Variants in TNRC6A observed in about 807,000 individuals in gnomAD.
TNRC6A encodes the protein trinucleotide repeat-containing gene 6A protein.
TNRC6A carries 44 observed loss-of-function variants against 221.2 expected under a neutral mutation model. The observed-to-expected ratio is 0.20, with a 90% CI of 0.16 to 0.26. The LOEUF (loss-of-function observed/expected upper bound fraction) is 0.26, where lower values mean the gene tolerates loss of function less well. Ranked by LOEUF, TNRC6A falls within the 10% of genes least tolerant of loss-of-function variation. The pLI is 1.00. For missense variants in TNRC6A, 2,199 were observed against 2,404.4 expected (o/e 0.91, Z 1.79); for synonymous variants, 847 against 838.5 (o/e 1.01, Z -0.18).
chr16:24,825,295 A>T lies in TNRC6A; in HGVS notation c.*1488A>T, dbSNP rs1279916649. The T allele has an allele frequency of 2.6e-5, 4 of 152,652 alleles. No individual in the cohort carries two copies. The highest frequency in any genetic ancestry group is 5.9e-5 in the Non-Finnish European group (4 of 68,040). 9.5% of individuals were successfully genotyped at this position (152,652 alleles called of 1,614,324 possible). On this transcript the variant is annotated 3_prime_UTR_variant, in exon 25 of 25. Transcript: ENST00000395799. ...TTTTAACAGTACAGAATTTGCCATCATATCATTGCCTTGATTCTAACTGTT... is the reference window on the plus strand; with the variant it reads ...TTTTAACAGTACAGAATTTGCCATCTTATCATTGCCTTGATTCTAACTGTT...
Position 24,790,791 on chromosome 16 carries a change from G to A in TNRC6A, c.2149G>A (p.Val717Ile). ...IVNRTDLDPR[V>I]LSNSGWGQTP... ...AAACAGAACTGACTTAGATCCACGTGTCCTGTCCAACTCTGGTTGGGGACA... is the reference window on the plus strand; with the variant it reads ...AAACAGAACTGACTTAGATCCACGTATCCTGTCCAACTCTGGTTGGGGACA... Residue 717 changes from valine (V) to isoleucine (I), a missense_variant, in exon 6 of 25, where the codon GTC becomes ATC. By Grantham distance (29) the Val-to-Ile change is conservative. Around this residue, in one of 8 missense-constraint regions of TNRC6A, gnomAD observed 1,405 missense variants for 1,400.2 expected, o/e 1.00. Transcript: ENST00000395799. 1 of 1,614,146 alleles carries A rather than the reference G, an allele frequency of 6.2e-7. No individual in the cohort carries two copies. Among genetic ancestry groups the A allele is most frequent in the South Asian group, 1.1e-5 (1 of 91,084 alleles).
In TNRC6A at chr16:24,790,608, A is replaced by G. The variant is rs891269790; in HGVS notation, c.1966A>G (p.Thr656Ala). 7.4e-6 allele frequency: 12 copies of G among 1,614,250 alleles called. No individual in the cohort carries two copies. Among genetic ancestry groups the G allele is most frequent in the Non-Finnish European group, 9.3e-6 (11 of 1,180,042 alleles). ...GGATCAGGGTTCTGCCACATCTCAG[A>G]CAAATGAGCAAAGCAGTGTGTGGGC... Reference protein sequence around the residue: ...EEDQGSATSQTNEQSSVWAKT... With the variant: ...EEDQGSATSQANEQSSVWAKT... The change falls in exon 6 of 25, where the codon ACA becomes GCA. Residue 656 changes from threonine to alanine, a missense_variant. Thr to Ala is a moderately conservative substitution (Grantham distance 58). This residue lies in a region of TNRC6A where 1,405 missense variants were observed against 1,400.2 expected (regional missense o/e 1.00). Transcript: ENST00000395799.
chr16:24,727,171 A>G (rs2056506330), upstream of TNRC6A, among the ~76,000 whole-genome samples: 1 of 152,078 alleles, frequency 6.6e-6, no homozygotes, highest in Non-Finnish European at 1.5e-5. Flanking sequence ...CTGGGATTAC[A>G]GGCATGCACC....
chr16:24,648,481 A>G (rs747586733), intron 2 of TNRC6A, among the ~76,000 whole-genome samples: 90 of 152,028 alleles, frequency 5.9e-4, no homozygotes, highest in African/African-American at 2.9e-4. Context: ...CGTGTTAGCC[A>G]GGATGGTCTC....
At chr16:24,643,108 A>G (rs374610058) in intron 2 of TNRC6A, among the ~76,000 whole-genome samples, 3 of 50,192 alleles carry the variant, frequency 6.0e-5, no homozygotes, top group South Asian at 8.5e-4. Context: ...ATATATATAT[A>G]AAATATATAT....
At chr16:24,695,638 T>A (rs2055843488) in intron 2 of TNRC6A, among the ~76,000 whole-genome samples, 1 of 152,238 alleles carries the variant, frequency 6.6e-6, no homozygotes, top group East Asian at 1.9e-4. Context: ...GACCTCGTGA[T>A]CTGCCTGCCT....
intron 2 of TNRC6A, among the ~76,000 whole-genome samples, chr16:24,715,813 G>T (rs953840954): frequency 7.9e-5 from 12 of 151,576 alleles, no homozygotes; most frequent in African/African-American, 2.9e-4. Flanking sequence ...TAGAGACGGG[G>T]TTTCCCTATG....
intron 1 of TNRC6A, among the ~76,000 whole-genome samples, chr16:24,634,795 G>A (rs1472558901): frequency 6.6e-6 from 1 of 152,124 alleles, no homozygotes; most frequent in Non-Finnish European, 1.5e-5. Context: ...ACCAATCTTA[G>A]CCCTTTCTCA....
chr16:24,716,330 T>C (rs1210163656), intron 2 of TNRC6A, among the ~76,000 whole-genome samples: 1 of 152,196 alleles, frequency 6.6e-6, no homozygotes, highest in African/African-American at 2.4e-5. Flanking sequence ...CAGTTCCAGT[T>C]ACTTCATGTT....
intron 14 of TNRC6A, 162 bp from the exon 15 acceptor site, chr16:24,805,443 A>G: frequency 1.9e-6 from 2 of 1,067,764 alleles, no homozygotes; most frequent in Non-Finnish European, 2.7e-6. Flanking sequence ...CCCACGAAAA[A>G]GTGTAAGTGA....
chr16:24,697,574 A>G (rs532412591), intron 2 of TNRC6A, among the ~76,000 whole-genome samples: 1 of 151,928 alleles, frequency 6.6e-6, no homozygotes, highest in Non-Finnish European at 1.5e-5. Flanking sequence ...AGTCCCAGCT[A>G]CTTAGGAAGC....
intron 1 of TNRC6A, among the ~76,000 whole-genome samples, chr16:24,619,870 C>G (rs111450864): frequency 6.6e-6 from 1 of 152,040 alleles, no homozygotes; most frequent in African/African-American, 2.4e-5. Context: ...GGCCAGGTGC[C>G]GTGGCTCACA....
intron 7 of TNRC6A, 94 bp downstream of exon 7, chr16:24,793,743 T>C: frequency 9.7e-7 from 1 of 1,026,970 alleles, no homozygotes; most frequent in South Asian, 4.3e-5. Context: ...CTATGTTATT[T>C]ATAATATATT....
intron 22 of TNRC6A, among the ~76,000 whole-genome samples, chr16:24,821,073 G>A (rs1342229049): frequency 2.0e-5 from 3 of 152,200 alleles, no homozygotes; most frequent in African/African-American, 7.2e-5. Flanking sequence ...TCTTTAGACA[G>A]GTGATTGGCT....
At chr16:24,744,761 T>G (rs893456871) in intron 2 of TNRC6A, among the ~76,000 whole-genome samples, 2 of 152,228 alleles carry the variant, frequency 1.3e-5, no homozygotes, top group African/African-American at 4.8e-5. Flanking sequence ...CCACTCTGTC[T>G]GTTGTCCTCT....
At chr16:24,764,676 A>T (rs1274086199) in intron 4 of TNRC6A, among the ~76,000 whole-genome samples, 4 of 152,048 alleles carry the variant, frequency 2.6e-5, no homozygotes, top group Admixed American at 6.6e-5. Flanking sequence ...TATCTTGGCC[A>T]TTGTGAATAA....
At chr16:24,666,471 CAA>C (rs765727823) in intron 2 of TNRC6A, among the ~76,000 whole-genome samples, 47 of 83,894 alleles carry the variant, frequency 5.6e-4, no homozygotes, top group East Asian at 1.2e-3. Context: ...GACTCCGTCT[CAA>C]AAAAAAAAAA....
rs577306319 is a variant in TNRC6A, at chr16:24,805,136, A to G, written c.4107A>G (p.Pro1369=). 9.9e-6 allele frequency: 16 copies of G among 1,614,078 alleles called. No individual in the cohort carries two copies. In the East Asian group the frequency reaches 3.3e-4, roughly 34 times the overall value. The stretch of plus-strand genomic sequence containing the variant: ...ATCTCCGTGCTCAAGTGCCTCCTCC[A>G]TTACTCTCCCCTCAGGTAAATAAGC... The part of the protein sequence containing the change: ...QPNLRAQVPP[P]LLSPQVPVSL... The change falls in exon 14 of 25, where the codon CCA becomes CCG. Residue 1369 remains proline (P), a synonymous_variant. Coordinates refer to ENST00000395799, the MANE Select transcript of TNRC6A (RefSeq NM_014494.4).
intron 2 of TNRC6A, among the ~76,000 whole-genome samples, chr16:24,686,218 G>A (rs751627567): frequency 8.5e-5 from 13 of 152,310 alleles, no homozygotes; most frequent in East Asian, 1.9e-4. Flanking sequence ...ATGCAGAGGC[G>A]TCTGGGCAAA....
Sources: gnomAD v4.1 joint callset for allele counts (sites outside exome capture counted in the v4.1 genomes callset) on GRCh38, gnomAD v4.1.1 for gene constraint, gnomAD v4.1.1 regional missense constraint, MANE v1.5 for transcripts, NCBI Gene and HGNC (gene_info 2026-07-23, HGNC 2026-07-21) for gene names.